The following TTN variants were observed in gnomAD, a reference collection of about 807,000 sequenced individuals.
The protein encoded by TTN is connectin.
Under a neutral mutation model 3,223.0 loss-of-function variants are expected in TTN, and 1,525 were observed. The observed-to-expected ratio is 0.47, with a 90% CI of 0.45 to 0.49. TTN has a LOEUF of 0.49. Ranked by LOEUF, TTN falls within the 20% of genes least tolerant of loss-of-function variation. TTN has a pLI of 0.00. For missense variants in TTN, 40,786 were observed against 43,424.0 expected, an observed-to-expected ratio of 0.94 and a Z score of 5.40; for synonymous variants, 14,094 against 15,161.0, an observed-to-expected ratio of 0.93 and a Z score of 5.17.
chr2:178,541,237 A>G, intron 350 of TTN, 45 bp downstream of exon 350: 4 of 1,432,778 alleles, frequency 2.8e-6, no homozygotes, highest in South Asian at 3.2e-5. Context: ...TTTCCCACAT[A>G]TAAATTGTAA....
Position 178,551,109 on chromosome 2 carries a change from A to G in TTN, c.91422T>C (p.Thr30474=), listed in dbSNP as rs1403627000. The G allele has an allele frequency of 6.2e-7, 1 of 1,613,374 alleles. No homozygotes were observed. The highest frequency in any genetic ancestry group is 1.7e-5 in the Admixed American group (1 of 59,954). ...CTGTGTACTGACATTCACTGACGTC[A>G]GTAAAGTTGCATCTCACCCAGCGTT... ...GNERWVRCNF[T]DVSECQYTVT... The change falls in exon 336 of 363, where the codon ACT becomes ACC. Residue 30474 remains threonine, a synonymous_variant. Coordinates refer to ENST00000589042, the MANE Select transcript of TTN (RefSeq NM_001267550.2).
Position 178,757,714 on chromosome 2 carries a change from C to A in TTN, c.10506G>T (p.Gln3502His). 1 of 1,613,850 alleles carries A rather than the reference C, an allele frequency of 6.2e-7. No individual in the cohort carries two copies. The highest frequency in any genetic ancestry group is 8.5e-7 in the Non-Finnish European group (1 of 1,179,782). Residue 3502 changes from glutamine to histidine, a missense_variant, in exon 45 of 363, where the codon CAG becomes CAT. Transcript: ENST00000589042. ...PKPEIQWFHN[Q>H]QLILPTKDVV... The stretch of plus-strand genomic sequence containing the variant: ...CATCTTTTGTTGGTAGAATTAGCTG[C>A]TGGTTATGAAACCATTGGATTTCTG...
intron 13 of TTN, 48 bp downstream of exon 13, chr2:178,789,312 T>C: frequency 6.2e-7 from 1 of 1,607,082 alleles, no homozygotes; most frequent in South Asian, 1.1e-5. Flanking sequence ...ATATGTGGTA[T>C]TAATGTATTA....
At position 178,717,053 on chromosome 2, in the gene TTN, G is replaced by A. The variant is rs1430754443; in HGVS notation, c.25639+42C>T. The A allele has an allele frequency of 7.7e-6, 12 of 1,561,986 alleles. No individual in the cohort carries two copies. The African/African-American group carries it at 1.6e-4, about 21-fold the overall frequency. On this transcript the variant is annotated intron_variant, in intron 88 of 362. Transcript: ENST00000589042. ...CCACCCTCCTATATTTTAAGATACT[G>A]AAAATGTAAAAGAGATCTTGCTCCT...
rs763377678 is a variant in TTN, at chr2:178,579,675, A to T, written c.67522T>A (p.Tyr22508Asn). 6.2e-7 allele frequency: 1 copy of T among 1,613,230 alleles called. No homozygotes were observed. The highest frequency in any genetic ancestry group is 8.5e-7 in the Non-Finnish European group (1 of 1,179,540). The change falls in exon 319 of 363, where the codon TAC (tyrosine) becomes AAC (asparagine). Residue 22508 changes from tyrosine to asparagine, a missense_variant. By Grantham distance (143) the Tyr-to-Asn change is moderately radical (BLOSUM62 -2). Transcript: ENST00000589042. ...CCTTCAGTCAAATCTTTTGCAGAGT[A>T]CTGTAGGCTTAAGGATTTCATAACT... ...QRVMKSLSLQ[Y>N]SAKDLTEGKE...
intron 223 of TTN, among the ~76,000 whole-genome samples, chr2:178,638,920 GTA>G (rs754056897): frequency 1.2e-4 from 19 of 152,094 alleles, no homozygotes; most frequent in Admixed American, 3.3e-4. Context: ...GTCAGGATGT[GTA>G]TGTTTATCAA....
chr2:178,595,873 GT>G, intron 294 of TTN, 64 bp from the exon 295 acceptor site: 2 of 1,442,014 alleles, frequency 1.4e-6, no homozygotes, highest in Non-Finnish European at 1.9e-6. Flanking sequence ...CTCAACACTT[GT>G]TTTTTTAAAA....
Position 178,730,250 on chromosome 2 carries a change from TTTG to T in TTN, c.18147_18149del (p.Asn6049del). ...AGCGGGCTGCTCCTGAGTGTAACTC[TTTG>T]TTATCTTTAAACCACTTTATTGTCA... On this transcript the variant is annotated inframe_deletion, in exon 62 of 363. Transcript: ENST00000589042. The T allele has an allele frequency of 6.2e-7, 1 of 1,613,326 alleles. No individual in the cohort carries two copies. The highest frequency in any genetic ancestry group is 1.1e-5 in the South Asian group (1 of 91,022).
chr2:178,632,457 AAAG>A, intron 235 of TTN, 44 bp from the exon 236 acceptor site: 1 of 1,583,162 alleles, frequency 6.3e-7, no homozygotes, highest in South Asian at 1.2e-5. Context: ...GAAGCACTTT[AAAG>A]AAGAAATATA....
rs780157047 is a variant in TTN, at chr2:178,720,910, G to T, written c.23098+11C>A. On this transcript the variant is annotated intron_variant, in intron 79 of 362. Transcript: ENST00000589042. ...GAGAATAAAGAAACAAAGAAGCTTA[G>T]TGTGTCTAACCTTTCACTGTCAACG... 12 of 1,565,752 alleles carry T rather than the reference G, an allele frequency of 7.7e-6. No individual in the cohort carries two copies. The South Asian group carries it at 1.3e-4, about 17-fold the overall frequency.
intron 152 of TTN, among the ~76,000 whole-genome samples, 193 bp from the exon 153 acceptor site, chr2:178,672,896 G>A (rs1180782466): frequency 6.6e-6 from 1 of 151,766 alleles, no homozygotes; most frequent in Non-Finnish European, 1.5e-5. Context: ...TCCTATAGAA[G>A]AAGAAATGTC....
chr2:178,747,693 T>C (rs2084067841), intron 47 of TTN: 3 of 1,612,458 alleles, frequency 1.9e-6, no homozygotes, highest in Non-Finnish European at 2.5e-6. Context: ...GTTAGGGAGG[T>C]CTCAGATTCT....
intron 239 of TTN, among the ~76,000 whole-genome samples, chr2:178,629,827 C>T (rs2059577193): frequency 6.6e-6 from 1 of 152,092 alleles, no homozygotes; most frequent in South Asian, 2.1e-4. Flanking sequence ...TTGCACCTTC[C>T]AGAAACGTTA....
Position 178,692,031 on chromosome 2 carries a change from C to T in TTN, c.31747G>A (p.Ala10583Thr), listed in dbSNP as rs2072582211. The T allele has an allele frequency of 1.2e-6, 2 of 1,612,602 alleles. No individual in the cohort carries two copies. The highest frequency in any genetic ancestry group is 1.7e-6 in the Non-Finnish European group (2 of 1,179,050). Residue 10583 changes from alanine to threonine, a missense_variant, in exon 121 of 363, where the codon GCT becomes ACT. Transcript: ENST00000589042. ...TCTGGCGTACCTTTTGGGGGAGCAG[C>T]AGGTTCCTTCTTAGGCACAGGAACT... ...KPVPVPKKEP[A>T]APPKVPEVPK... is the part of the protein sequence containing the mutation.
In TTN at chr2:178,595,658, G is replaced by A; in HGVS notation, c.57696C>T (p.Thr19232=). The A allele has an allele frequency of 1.2e-6, 2 of 1,608,104 alleles. No homozygotes were observed. Among genetic ancestry groups the A allele is most frequent in the Non-Finnish European group, 1.7e-6 (2 of 1,177,254 alleles). The part of the protein sequence containing the change: ...EKRESDRRAW[T]PVTYTVTRQN... ...GTCGGGTAACTGTATATGTCACTGGGGTCCATGCTCTGCGGTCAGATTCAC... is the reference window on the plus strand; with the variant it reads ...GTCGGGTAACTGTATATGTCACTGGAGTCCATGCTCTGCGGTCAGATTCAC... The change falls in exon 295 of 363, where the codon ACC becomes ACT. Residue 19232 remains threonine (T), a synonymous_variant. Transcript: ENST00000589042.
chr2:178,622,213 T>C (rs1250515443), intron 243 of TTN, among the ~76,000 whole-genome samples: 5 of 151,922 alleles, frequency 3.3e-5, no homozygotes, highest in Admixed American at 1.3e-4. Context: ...GCTGCTGTGA[T>C]ACTATTATCA....
chr2:178,754,563 T>C lies in TTN; in HGVS notation c.11255-1383A>G, dbSNP rs573758689. Among the ~76,000 whole-genome samples, 17 of 152,306 alleles carry C rather than the reference T, an allele frequency of 1.1e-4. No individual in the cohort carries two copies. In the Middle Eastern group the frequency reaches 0.01, roughly 91 times the overall value. Reference sequence around the variant, plus strand: ...TCTTTAGGAAGTGAGTTAAGAGATCTACATTTCTCCCACCTTCACAACACA... The same window carrying C: ...TCTTTAGGAAGTGAGTTAAGAGATCCACATTTCTCCCACCTTCACAACACA... On this transcript the variant is annotated intron_variant, in intron 46 of 362. Transcript: ENST00000589042.
chr2:178,562,078 T>C lies in TTN; in HGVS notation c.84054A>G (p.Thr28018=). 2 of 1,613,380 alleles carry C rather than the reference T, an allele frequency of 1.2e-6. No individual in the cohort carries two copies. Among genetic ancestry groups the C allele is most frequent in the Non-Finnish European group, 1.7e-6 (2 of 1,179,612 alleles). The part of the protein sequence containing the change: ...RVNVSSSKTV[T]SLSIKEASKE... ...TTGAAGCTTCCTTAATAGATAGTGA[T>C]GTTACAGTCTTTGAAGAAGAAACAT... is the stretch of plus-strand genomic sequence containing the variant. The change falls in exon 326 of 363, where the codon ACA becomes ACG. Residue 28018 remains threonine, a synonymous_variant. Transcript: ENST00000589042.
rs1310076553 is a variant in TTN at position 178,675,277 on chromosome 2, G to A, written c.34538-164C>T. The A allele has an allele frequency of 4.2e-5, 20 of 472,210 alleles. No homozygotes were observed. The East Asian group carries it at 7.3e-4, about 17-fold the overall frequency. The allele number at this position is 472,210 out of a possible 1,614,324, so 29.3% of individuals were successfully genotyped here. ...TCGGTTAATGAGAAAAGAATAAAAA[G>A]GTTTGTGGTTTAAGATTTAGGGTTT... is the stretch of plus-strand genomic sequence containing the variant. On this transcript the variant is annotated intron_variant, in intron 149 of 362. Coordinates refer to ENST00000589042, the MANE Select transcript of TTN (RefSeq NM_001267550.2).
Sources: gnomAD v4.1 joint callset for allele counts (sites outside exome capture counted in the v4.1 genomes callset) on GRCh38, gnomAD v4.1.1 for gene constraint, MANE v1.5 for transcripts, NCBI Gene and HGNC (gene_info 2026-07-23, HGNC 2026-07-21) for gene names.